Variants in CRIM1 observed in about 807,000 individuals in gnomAD.
CRIM1 encodes cysteine-rich motor neuron 1 protein.
In CRIM1, 32 loss-of-function variants were observed where a neutral mutation model predicts 116.4. The observed-to-expected ratio is 0.27, with a 90% CI of 0.21 to 0.37. The LOEUF is 0.37. Among genes scored for constraint, CRIM1 ranks in the 10% least tolerant of loss-of-function variants. CRIM1 has a pLI of 1.00. For synonymous variants in CRIM1, 590 were observed against 509.2 expected (o/e 1.16, Z -2.13); for missense variants, 1,331 against 1,354.8 (o/e 0.98, Z 0.28).
intron 2 of CRIM1, among the ~76,000 whole-genome samples, chr2:36,424,056 C>G (rs557664989): frequency 6.6e-6 from 1 of 152,252 alleles, no homozygotes; most frequent in African/African-American, 2.4e-5. Context: ...AGCTGATTTC[C>G]TGCCTGCTGT....
intron 13 of CRIM1, among the ~76,000 whole-genome samples, chr2:36,535,367 C>T (rs569282391): frequency 6.6e-6 from 1 of 152,272 alleles, no homozygotes; most frequent in African/African-American, 2.4e-5. Context: ...TTAAGGATTC[C>T]ATATTAATCA....
intron 2 of CRIM1, 70 bp from the exon 3 acceptor site, chr2:36,441,188 T>C: frequency 6.3e-7 from 1 of 1,593,408 alleles, no homozygotes; most frequent in Non-Finnish European, 8.6e-7. Context: ...TCATCAGGAC[T>C]GTTTGTTCTT....
intron 2 of CRIM1, among the ~76,000 whole-genome samples, chr2:36,434,677 T>G (rs935921933): frequency 6.6e-6 from 1 of 152,266 alleles, no homozygotes; most frequent in African/African-American, 2.4e-5. Flanking sequence ...CCATGAGAAT[T>G]TAATGCTTAA....
At chr2:36,531,639 C>A (rs1666127872) in intron 13 of CRIM1, among the ~76,000 whole-genome samples, 1 of 152,096 alleles carries the variant, frequency 6.6e-6, no homozygotes, top group Admixed American at 6.5e-5. Context: ...CTTTTCTTAT[C>A]TTGAAAAGAG....
At chr2:36,485,083 C>T (rs1255101508) in intron 7 of CRIM1, among the ~76,000 whole-genome samples, 1 of 152,146 alleles carries the variant, frequency 6.6e-6, no homozygotes. Context: ...TTATCAGATA[C>T]CCAGCTGAGT....
chr2:36,372,139 TG>T (rs1669983397), intron 1 of CRIM1, among the ~76,000 whole-genome samples: 1 of 152,178 alleles, frequency 6.6e-6, no homozygotes, highest in Non-Finnish European at 1.5e-5. Flanking sequence ...ACAGCTTCTT[TG>T]GGGAAGGAAA....
At chr2:36,544,837 G>T (rs888388334) in intron 15 of CRIM1, among the ~76,000 whole-genome samples, 1 of 152,292 alleles carries the variant, frequency 6.6e-6, no homozygotes, top group Non-Finnish European at 1.5e-5. Context: ...TATAAACTTT[G>T]TAAGGAGAGT....
chr2:36,357,329 T>G (rs1274860664), intron 1 of CRIM1, among the ~76,000 whole-genome samples: 1 of 152,156 alleles, frequency 6.6e-6, no homozygotes, highest in Non-Finnish European at 1.5e-5. Flanking sequence ...GTTGTTGCTA[T>G]TAGTGGCTGC....
chr2:36,372,530 A>G (rs773466874), intron 1 of CRIM1, among the ~76,000 whole-genome samples: 7 of 152,222 alleles, frequency 4.6e-5, no homozygotes, highest in Non-Finnish European at 7.3e-5. Context: ...TTCAGCTGCT[A>G]AAGATAGAGA....
chr2:36,410,851 GTGCATTAACGTGGCGTC>G (rs1278460554), intron 2 of CRIM1, among the ~76,000 whole-genome samples: 6 of 152,140 alleles, frequency 3.9e-5, no homozygotes, highest in Admixed American at 3.9e-4. Flanking sequence ...TCATGGCAGG[GTGCATTAACGTGGCGTC>G]TGCAAGTATC....
chr2:36,406,116 A>G (rs893025974), intron 2 of CRIM1, among the ~76,000 whole-genome samples: 1 of 152,248 alleles, frequency 6.6e-6, no homozygotes, highest in Non-Finnish European at 1.5e-5. Flanking sequence ...TGTATTAGAA[A>G]TAATCATTAA....
chr2:36,519,126 T>C lies in CRIM1; in HGVS notation c.2206+1584T>C, dbSNP rs572602650. 3.3e-4 allele frequency among the ~76,000 whole-genome samples: 51 copies of C among 152,252 alleles called. 1 individual carries two copies. The highest frequency in any genetic ancestry group is 1.2e-3 in the African/African-American group (48 of 41,556). ...AGGATCTGAGTGATGAACTTAGGGA[T>C]TAACTAAGGGAGTGGCACTGGGGGA... On this transcript the variant is annotated intron_variant, in intron 12 of 16. Transcript: ENST00000280527.
chr2:36,375,024 A>G (rs1298585660), intron 1 of CRIM1, among the ~76,000 whole-genome samples: 1 of 151,510 alleles, frequency 6.6e-6, no homozygotes, highest in African/African-American at 2.4e-5. Flanking sequence ...GCATATTATT[A>G]TATTGCAGAT....
At chr2:36,536,852 T>A (rs1270611132) in intron 13 of CRIM1, among the ~76,000 whole-genome samples, 1 of 152,018 alleles carries the variant, frequency 6.6e-6, no homozygotes, top group African/African-American at 2.4e-5. Flanking sequence ...AGTAGAAATG[T>A]CCTTGTAGGT....
At chr2:36,539,268 C>A (rs549851254) in intron 14 of CRIM1, among the ~76,000 whole-genome samples, 2 of 152,272 alleles carry the variant, frequency 1.3e-5, no homozygotes, top group East Asian at 3.9e-4. Flanking sequence ...ACAGGCAGAA[C>A]CTCTGGGTAT....
chr2:36,380,227 G>C (rs563410596), intron 1 of CRIM1, among the ~76,000 whole-genome samples: 40 of 152,310 alleles, frequency 2.6e-4, no homozygotes, highest in African/African-American at 8.7e-4. Flanking sequence ...GCTGAAGTCT[G>C]CCTGTTCACC....
chr2:36,475,837 C>G (rs1311479688), intron 5 of CRIM1, among the ~76,000 whole-genome samples: 3 of 152,134 alleles, frequency 2.0e-5, no homozygotes, highest in Non-Finnish European at 4.4e-5. Context: ...ATCGAATGAT[C>G]ATGTTGCTTT....
At chr2:36,432,537 T>A (rs1674976676) in intron 2 of CRIM1, among the ~76,000 whole-genome samples, 2 of 152,128 alleles carry the variant, frequency 1.3e-5, no homozygotes, top group African/African-American at 4.8e-5. Flanking sequence ...GGCATCCGGC[T>A]CTCCCACTCC....
rs570857103 is a variant in CRIM1, at chr2:36,413,185, G to A, written c.505+16398G>A. On this transcript the variant is annotated intron_variant, in intron 2 of 16. Coordinates refer to ENST00000280527, the MANE Select transcript of CRIM1 (RefSeq NM_016441.3). ...GATACCAGGATTTTCCTTGAATGCT[G>A]CTGAATAAATTCTGCTTGTTAAATG... Among the ~76,000 whole-genome samples, 6 of 152,256 alleles carry A rather than the reference G, an allele frequency of 3.9e-5. No individual in the cohort carries two copies. In the South Asian group the frequency reaches 1.2e-3, roughly 32 times the overall value.
Sources: gnomAD v4.1 joint callset for allele counts (sites outside exome capture counted in the v4.1 genomes callset) on GRCh38, gnomAD v4.1.1 for gene constraint, MANE v1.5 for transcripts, NCBI Gene and HGNC (gene_info 2026-07-23, HGNC 2026-07-21) for gene names.